The following SUGCT variants were observed in gnomAD, a reference collection of about 807,000 sequenced individuals.
SUGCT encodes succinyl-CoA:glutarate CoA-transferase.
SUGCT carries 41 observed loss-of-function variants against 55.0 expected under a neutral mutation model. The ratio of observed to expected loss-of-function variants is 0.74; its 90% confidence interval spans 0.58 to 0.97. The LOEUF is 0.97. Among genes scored for constraint, SUGCT ranks in the 50% least tolerant of loss-of-function variants. The pLI, the probability that SUGCT is intolerant of heterozygous loss-of-function variation, is 0.00. For missense variants in SUGCT, 568 were observed against 547.8 expected, an observed-to-expected ratio of 1.04 and a Z score of -0.37; for synonymous variants, 187 against 200.4, an observed-to-expected ratio of 0.93 and a Z score of 0.56.
intron 7 of SUGCT, among the ~76,000 whole-genome samples, chr7:40,267,195 A>G (rs1791645282): frequency 6.6e-6 from 1 of 152,198 alleles, no homozygotes; most frequent in Non-Finnish European, 1.5e-5. Flanking sequence ...AGTGTTAACT[A>G]GAGACTCTTC....
At chr7:40,593,439 A>G (rs1797836476) in intron 12 of SUGCT, among the ~76,000 whole-genome samples, 1 of 152,216 alleles carries the variant, frequency 6.6e-6, no homozygotes, top group African/African-American at 2.4e-5. Context: ...AGGACAATGT[A>G]CAATTGTTGC....
chr7:40,916,656 G>T, the SUGCT span, among the ~76,000 whole-genome samples: 2 of 152,058 alleles, frequency 1.3e-5, no homozygotes, highest in East Asian at 3.9e-4. Context: ...CTACTATCTG[G>T]TGTTTGATTT....
intron 9 of SUGCT, among the ~76,000 whole-genome samples, chr7:40,380,712 C>T (rs982105808): frequency 2.0e-5 from 3 of 152,060 alleles, no homozygotes; most frequent in Admixed American, 2.0e-4. Flanking sequence ...AAGTTGATGT[C>T]GGAAATATTT....
chr7:40,156,002 G>A (rs1783874186), intron 1 of SUGCT, among the ~76,000 whole-genome samples: 1 of 151,946 alleles, frequency 6.6e-6, no homozygotes, highest in African/African-American at 2.4e-5. Flanking sequence ...GATCACAGGT[G>A]TACGCCACCA....
At chr7:40,598,783 C>T (rs1306710148) in intron 12 of SUGCT, among the ~76,000 whole-genome samples, 1 of 152,168 alleles carries the variant, frequency 6.6e-6, no homozygotes, top group East Asian at 1.9e-4. Flanking sequence ...CAGCTACCAT[C>T]CCAGACACAG....
the SUGCT span, among the ~76,000 whole-genome samples, chr7:41,026,359 T>G: frequency 2.0e-5 from 3 of 152,224 alleles, no homozygotes; most frequent in African/African-American, 7.2e-5. Flanking sequence ...GCTTGACTCC[T>G]GCAGGCATCT....
the SUGCT span, among the ~76,000 whole-genome samples, chr7:40,918,109 T>C: frequency 1.3e-5 from 2 of 151,964 alleles, no homozygotes; most frequent in African/African-American, 4.8e-5. Context: ...GAGAATAAAA[T>C]TGGGTGGAAA....
At chr7:40,237,005 G>A (rs955662770) in intron 6 of SUGCT, among the ~76,000 whole-genome samples, 1 of 151,854 alleles carries the variant, frequency 6.6e-6, no homozygotes, top group Admixed American at 6.6e-5. Flanking sequence ...GCTAATTTTT[G>A]TATTTTTAGT....
the SUGCT span, among the ~76,000 whole-genome samples, chr7:40,893,123 A>C: frequency 1.3e-5 from 2 of 152,148 alleles, no homozygotes; most frequent in Non-Finnish European, 2.9e-5. Flanking sequence ...TTCATCAAGA[A>C]GACATAACAA....
At chr7:40,909,574 G>C in the SUGCT span, among the ~76,000 whole-genome samples, 1 of 152,332 alleles carries the variant, frequency 6.6e-6, no homozygotes, top group East Asian at 1.9e-4. Flanking sequence ...CTACGGGGGA[G>C]GCTATTCTTA....
chr7:40,235,475 C>T (rs544529370), intron 6 of SUGCT, among the ~76,000 whole-genome samples: 1 of 152,168 alleles, frequency 6.6e-6, no homozygotes, highest in African/African-American at 2.4e-5. Flanking sequence ...TACGGGCATG[C>T]ACCACCACGC....
At chr7:40,657,391 AT>A (rs1202209708) in intron 12 of SUGCT, among the ~76,000 whole-genome samples, 1 of 152,148 alleles carries the variant, frequency 6.6e-6, no homozygotes, top group Non-Finnish European at 1.5e-5. Flanking sequence ...ATGCTAGCCT[AT>A]CATATCTACA....
intron 8 of SUGCT, among the ~76,000 whole-genome samples, chr7:40,286,035 T>C (rs771115844): frequency 7.2e-5 from 11 of 152,238 alleles, no homozygotes; most frequent in Admixed American, 1.3e-4. Flanking sequence ...TTTTACATAT[T>C]GATATTCACT....
chr7:40,729,939 T>C (rs933729938), intron 12 of SUGCT, among the ~76,000 whole-genome samples: 1 of 152,184 alleles, frequency 6.6e-6, no homozygotes, highest in Non-Finnish European at 1.5e-5. Context: ...TTTTCAATCT[T>C]GGCAATTAAG....
intron 8 of SUGCT, among the ~76,000 whole-genome samples, chr7:40,314,550 C>T (rs942763320): frequency 7.2e-6 from 1 of 138,596 alleles, no homozygotes. Context: ...CCTATTGCAT[C>T]CCTTGTGTCT....
intron 6 of SUGCT, among the ~76,000 whole-genome samples, chr7:40,201,342 C>T (rs1225798870): frequency 1.3e-5 from 2 of 152,138 alleles, no homozygotes; most frequent in African/African-American, 4.8e-5. Context: ...GCGATGTTCA[C>T]ACTGCATTAA....
chr7:40,340,899 GTCA>G (rs1797008190), intron 9 of SUGCT, among the ~76,000 whole-genome samples: 1 of 152,172 alleles, frequency 6.6e-6, no homozygotes, highest in African/African-American at 2.4e-5. Context: ...ACTTTCCACT[GTCA>G]TCATGTCTTT....
chr7:40,316,622 A>G (rs533860776), intron 8 of SUGCT, 138 bp from the exon 9 acceptor site: 4 of 555,112 alleles, frequency 7.2e-6, no homozygotes, highest in African/African-American at 1.9e-5. Flanking sequence ...CAATGCCTGT[A>G]TATTTTCTAA....
At chr7:40,147,866 A>T (rs1788345447) in intron 1 of SUGCT, among the ~76,000 whole-genome samples, 1 of 152,252 alleles carries the variant, frequency 6.6e-6, no homozygotes, top group Admixed American at 6.5e-5. Flanking sequence ...GCACTCGAAT[A>T]TAAAATTTTC....
Sources: gnomAD v4.1 joint callset for allele counts (sites outside exome capture counted in the v4.1 genomes callset) on GRCh38, gnomAD v4.1.1 for gene constraint, MANE v1.5 for transcripts, NCBI Gene and HGNC (gene_info 2026-07-23, HGNC 2026-07-21) for gene names.